GABBR2: variants seen among roughly 807,000 people sequenced by gnomAD.
GABBR2 encodes G-protein coupled receptor 51.
Under a neutral mutation model 105.6 loss-of-function variants are expected in GABBR2, and 23 were observed. The ratio of observed to expected loss-of-function variants is 0.22; its 90% CI spans 0.16 to 0.31. The LOEUF (loss-of-function observed/expected upper bound fraction) is 0.31, where lower values mean the gene tolerates loss of function less well. Ranked by LOEUF, GABBR2 falls within the 10% of genes least tolerant of loss-of-function variation. The pLI is 1.00. For missense variants in GABBR2, 734 were observed against 1,245.5 expected, an observed-to-expected ratio of 0.59 and a Z score of 6.18; for synonymous variants, 478 against 499.7, an observed-to-expected ratio of 0.96 and a Z score of 0.58.
Position 98,696,091 on chromosome 9 carries a change from C to T in GABBR2, c.321+12326G>A, listed in dbSNP as rs538020910. Among the ~76,000 whole-genome samples, 12 of 152,272 alleles carry T rather than the reference C, an allele frequency of 7.9e-5. No homozygotes were observed. The East Asian group carries it at 1.4e-3, about 17-fold the overall frequency. On this transcript the variant is annotated intron_variant, in intron 1 of 18. Coordinates refer to ENST00000259455, the MANE Select transcript of GABBR2 (RefSeq NM_005458.8). Reference sequence around the variant, plus strand: ...AAATAATCCAACAAAAGTTAACTTGCGGCTGTGATAAGCAGTAGAAAGGAA... The same window carrying T: ...AAATAATCCAACAAAAGTTAACTTGTGGCTGTGATAAGCAGTAGAAAGGAA...
chr9:98,645,539 TTTCTCCAGGGTGAA>T (rs1282152038), intron 1 of GABBR2, among the ~76,000 whole-genome samples: 1 of 152,124 alleles, frequency 6.6e-6, no homozygotes, highest in Non-Finnish European at 1.5e-5. Context: ...TCATCAGGAT[TTTCTCCAGGGTGAA>T]TTCACCAGTG....
At chr9:98,615,449 G>T (rs1028406404) in intron 1 of GABBR2, among the ~76,000 whole-genome samples, 6 of 152,186 alleles carry the variant, frequency 3.9e-5, no homozygotes, top group African/African-American at 1.2e-4. Flanking sequence ...ATGTTTGAAA[G>T]ACTAATTTTT....
intron 1 of GABBR2, among the ~76,000 whole-genome samples, chr9:98,651,561 A>G (rs1830106170): frequency 6.6e-6 from 1 of 152,152 alleles, no homozygotes; most frequent in Non-Finnish European, 1.5e-5. Flanking sequence ...CAGCCTCCAG[A>G]GTAGCTAGAA....
chr9:98,328,133 A>C (rs569220589), intron 13 of GABBR2, among the ~76,000 whole-genome samples: 1 of 151,646 alleles, frequency 6.6e-6, no homozygotes, highest in Admixed American at 6.6e-5. Context: ...ACCTGGTCCA[A>C]GGCCACCCTC....
chr9:98,638,382 T>A (rs1829910292), intron 1 of GABBR2, among the ~76,000 whole-genome samples: 1 of 152,034 alleles, frequency 6.6e-6, no homozygotes, highest in Non-Finnish European at 1.5e-5. Context: ...CCAAAGAGAA[T>A]AACTACCTTG....
intron 11 of GABBR2, among the ~76,000 whole-genome samples, chr9:98,384,397 C>A (rs1286447770): frequency 6.6e-6 from 1 of 152,158 alleles, no homozygotes; most frequent in Non-Finnish European, 1.5e-5. Context: ...TCGAGACCAT[C>A]CTGACCAACA....
intron 7 of GABBR2, among the ~76,000 whole-genome samples, chr9:98,433,471 G>T (rs987617598): frequency 6.6e-6 from 1 of 152,160 alleles, no homozygotes; most frequent in African/African-American, 2.4e-5. Flanking sequence ...GTACACTAAG[G>T]CCTTGAACCT....
At chr9:98,314,183 G>A (rs772787431) in intron 13 of GABBR2, among the ~76,000 whole-genome samples, 6 of 152,204 alleles carry the variant, frequency 3.9e-5, no homozygotes, top group Non-Finnish European at 5.9e-5. Context: ...AGAGTGGCCA[G>A]GGGTAGAGAT....
At chr9:98,673,895 G>T (rs914668) in intron 1 of GABBR2, among the ~76,000 whole-genome samples, 7 of 152,148 alleles carry the variant, frequency 4.6e-5, no homozygotes, top group Middle Eastern at 3.2e-3. Context: ...CTGTTGAGGA[G>T]GAGATAAATG....
At chr9:98,560,440 CAT>C (rs1200577451) in intron 2 of GABBR2, among the ~76,000 whole-genome samples, 35 of 138,724 alleles carry the variant, frequency 2.5e-4, no homozygotes, top group African/African-American at 6.4e-4. Context: ...CACACACACA[CAT>C]ACACACACAC....
chr9:98,687,514 A>G (rs1398736353), intron 1 of GABBR2, among the ~76,000 whole-genome samples: 1 of 152,144 alleles, frequency 6.6e-6, no homozygotes. Flanking sequence ...CCTGGTTGAG[A>G]AGAGGATCAG....
At chr9:98,648,116 T>TGTGTGTATAGATAGATAGATAG in intron 1 of GABBR2, among the ~76,000 whole-genome samples, 625 of 55,890 alleles carry the variant, frequency 0.011, 8 homozygotes, top group African/African-American at 0.022. Flanking sequence ...TGTGTGTGTG[T>TGTGTGTATAGATAGATAGATAG]ATAGATAGAT....
At chr9:98,508,866 C>A (rs921297807) in intron 3 of GABBR2, among the ~76,000 whole-genome samples, 2 of 152,258 alleles carry the variant, frequency 1.3e-5, no homozygotes, top group African/African-American at 4.8e-5. Flanking sequence ...AACAAAAAGA[C>A]AGCAGTAACC....
At chr9:98,487,577 C>A (rs1423660555) in intron 4 of GABBR2, among the ~76,000 whole-genome samples, 1 of 151,880 alleles carries the variant, frequency 6.6e-6, no homozygotes, top group Non-Finnish European at 1.5e-5. Context: ...GAGTTCAAGA[C>A]CAGTCTGGGA....
chr9:98,696,476 T>C (rs1432423271), intron 1 of GABBR2, among the ~76,000 whole-genome samples: 2 of 152,154 alleles, frequency 1.3e-5, no homozygotes, highest in African/African-American at 4.8e-5. Flanking sequence ...GTTTGCTGGG[T>C]CAGTGGTCTT....
intron 2 of GABBR2, among the ~76,000 whole-genome samples, chr9:98,544,145 C>T (rs1196491086): frequency 2.0e-5 from 3 of 152,124 alleles, no homozygotes; most frequent in African/African-American, 7.2e-5. Flanking sequence ...CTTGTCCCAG[C>T]AGCAGCTCTG....
chr9:98,382,472 C>A (rs1014485785), intron 11 of GABBR2, among the ~76,000 whole-genome samples: 1 of 152,130 alleles, frequency 6.6e-6, no homozygotes, highest in Non-Finnish European at 1.5e-5. Flanking sequence ...CGCCACCTCG[C>A]CCAGCTAATT....
intron 7 of GABBR2, among the ~76,000 whole-genome samples, chr9:98,438,740 G>A (rs1825978145): frequency 6.6e-6 from 1 of 152,078 alleles, no homozygotes; most frequent in Non-Finnish European, 1.5e-5. Flanking sequence ...CTGAAAACAT[G>A]GGAATGAGGT....
chr9:98,495,466 G>A (rs1443468773), intron 4 of GABBR2, among the ~76,000 whole-genome samples: 1 of 151,990 alleles, frequency 6.6e-6, no homozygotes, highest in African/African-American at 2.4e-5. Context: ...TGATGACACT[G>A]GCACCTGCTT....
Sources: gnomAD v4.1 joint callset for allele counts (sites outside exome capture counted in the v4.1 genomes callset) on GRCh38, gnomAD v4.1.1 for gene constraint, MANE v1.5 for transcripts, NCBI Gene and HGNC (gene_info 2026-07-23, HGNC 2026-07-21) for gene names.